Variants in MAGI2 observed in about 807,000 individuals in gnomAD.
MAGI2 encodes the protein membrane associated guanylate kinase, WW and PDZ domain containing 2.
A neutral mutation model predicts 133.3 loss-of-function variants in MAGI2; 35 were observed. That is an observed-to-expected ratio of 0.26 (90% CI 0.20 to 0.35). The LOEUF is 0.35. Ranked by LOEUF, MAGI2 falls within the 10% of genes least tolerant of loss-of-function variation. The probability of loss-of-function intolerance (pLI) is 1.00; values close to 1 mark genes in which losing one functional copy is unlikely to be tolerated. For missense variants in MAGI2, 1,636 were observed against 1,863.4 expected (o/e 0.88, Z 2.25); for synonymous variants, 729 against 710.6 (o/e 1.03, Z -0.41).
chr7:78,902,897 A>C (rs545566988), intron 2 of MAGI2, among the ~76,000 whole-genome samples: 1 of 152,136 alleles, frequency 6.6e-6, no homozygotes, highest in Non-Finnish European at 1.5e-5. Flanking sequence ...TGACACATTC[A>C]AACATTTTAG....
At chr7:78,744,378 T>C (rs1363424054) in intron 2 of MAGI2, among the ~76,000 whole-genome samples, 1 of 152,214 alleles carries the variant, frequency 6.6e-6, no homozygotes, top group East Asian at 1.9e-4. Flanking sequence ...TAATTTCTGT[T>C]TTTACTGGCA....
At chr7:78,665,527 G>T (rs112125373) in intron 2 of MAGI2, among the ~76,000 whole-genome samples, 2,332 of 152,180 alleles carry the variant, frequency 0.015, 67 homozygotes, top group African/African-American at 0.053. Flanking sequence ...GTGGTCCAAG[G>T]CTTTAATTTC....
At chr7:78,236,947 C>A (rs970126756) in intron 10 of MAGI2, among the ~76,000 whole-genome samples, 3 of 152,046 alleles carry the variant, frequency 2.0e-5, no homozygotes, top group Non-Finnish European at 4.4e-5. Flanking sequence ...AAGCAGAAAC[C>A]CCTTATAAAA....
chr7:78,729,856 TTA>T (rs1335657858), intron 2 of MAGI2, among the ~76,000 whole-genome samples: 4 of 152,188 alleles, frequency 2.6e-5, no homozygotes, highest in African/African-American at 9.6e-5. Flanking sequence ...TCACAATTAC[TTA>T]TCAGGGAAAA....
intron 10 of MAGI2, among the ~76,000 whole-genome samples, chr7:78,243,480 G>A (rs191359360): frequency 1.0e-3 from 154 of 152,152 alleles, no homozygotes; most frequent in South Asian, 2.7e-3. Context: ...TTTAAAAATC[G>A]TGGTACAGTA....
chr7:79,368,685 A>G (rs1842874285), intron 1 of MAGI2, among the ~76,000 whole-genome samples: 1 of 151,282 alleles, frequency 6.6e-6, no homozygotes, highest in South Asian at 2.1e-4. Flanking sequence ...CGTCTCTACT[A>G]AAAATACAAA....
At chr7:78,689,250 C>A (rs560190203) in intron 2 of MAGI2, among the ~76,000 whole-genome samples, 1 of 152,076 alleles carries the variant, frequency 6.6e-6, no homozygotes, top group Non-Finnish European at 1.5e-5. Flanking sequence ...CACTCTAGTT[C>A]ATAGATTATA....
intron 2 of MAGI2, among the ~76,000 whole-genome samples, chr7:78,990,582 G>A (rs1805662425): frequency 6.6e-6 from 1 of 151,936 alleles, no homozygotes; most frequent in South Asian, 2.1e-4. Flanking sequence ...TTCCCTGGAG[G>A]TTTTTCTGCC....
At chr7:78,846,114 G>A (rs994566228) in intron 2 of MAGI2, among the ~76,000 whole-genome samples, 3 of 151,680 alleles carry the variant, frequency 2.0e-5, no homozygotes, top group Non-Finnish European at 4.4e-5. Flanking sequence ...TTTTGACAAG[G>A]TACCATGATG....
chr7:78,410,904 T>C (rs1797812969), intron 6 of MAGI2, among the ~76,000 whole-genome samples: 1 of 152,010 alleles, frequency 6.6e-6, no homozygotes, highest in Admixed American at 6.6e-5. Context: ...AATTTATAAA[T>C]ATAAGCATAA....
At chr7:78,070,224 C>T (rs74865881) in intron 21 of MAGI2, among the ~76,000 whole-genome samples, 115 of 40,116 alleles carry the variant, frequency 2.9e-3, no homozygotes, top group South Asian at 5.6e-3. Context: ...TATATACACA[C>T]ACACACACAG....
chr7:78,218,307 C>T (rs998167078), intron 10 of MAGI2, among the ~76,000 whole-genome samples: 1 of 152,188 alleles, frequency 6.6e-6, no homozygotes, highest in African/African-American at 2.4e-5. Flanking sequence ...CCCACTGAAT[C>T]ATCATGGAGC....
At chr7:78,651,123 A>G (rs551786566) in intron 2 of MAGI2, among the ~76,000 whole-genome samples, 4 of 152,260 alleles carry the variant, frequency 2.6e-5, no homozygotes, top group South Asian at 4.1e-4. Context: ...ATCATTACAT[A>G]TCCTGGAAAC....
chr7:78,289,051 T>G (rs1399218369), intron 9 of MAGI2, among the ~76,000 whole-genome samples: 1 of 152,146 alleles, frequency 6.6e-6, no homozygotes, highest in Non-Finnish European at 1.5e-5. Flanking sequence ...CCTCTTTTCC[T>G]CCAAAGGAAC....
At chr7:78,928,212 C>T (rs1416398136) in intron 2 of MAGI2, among the ~76,000 whole-genome samples, 1 of 151,888 alleles carries the variant, frequency 6.6e-6, no homozygotes, top group East Asian at 1.9e-4. Flanking sequence ...GAAATTGTAT[C>T]TGCTGTCTGA....
chr7:78,959,600 T>G (rs11980765), intron 2 of MAGI2, among the ~76,000 whole-genome samples: 2 of 152,162 alleles, frequency 1.3e-5, no homozygotes, highest in Non-Finnish European at 2.9e-5. Flanking sequence ...TGATGGTGAC[T>G]GTCTGATGTA....
At chr7:78,427,223 G>T (rs12532363) in intron 6 of MAGI2, among the ~76,000 whole-genome samples, 27,153 of 151,864 alleles carry the variant, frequency 0.18, 3,313 homozygotes, top group African/African-American at 0.35. Context: ...AACAAAATAA[G>T]AGATCTAATT....
At chr7:78,512,537 C>T (rs183411519) in intron 4 of MAGI2, among the ~76,000 whole-genome samples, 8 of 152,322 alleles carry the variant, frequency 5.3e-5, no homozygotes, top group Admixed American at 2.0e-4. Flanking sequence ...TCCCGAGTAA[C>T]TGGGACTACA....
chr7:78,661,111 T>C (rs1019560330), intron 2 of MAGI2, among the ~76,000 whole-genome samples: 20 of 152,184 alleles, frequency 1.3e-4, no homozygotes, highest in African/African-American at 4.8e-4. Flanking sequence ...TGTGAAGCAA[T>C]ATTTCTGCAT....
Sources: gnomAD v4.1 joint callset for allele counts (sites outside exome capture counted in the v4.1 genomes callset) on GRCh38, gnomAD v4.1.1 for gene constraint, MANE v1.5 for transcripts, NCBI Gene and HGNC (gene_info 2026-07-23, HGNC 2026-07-21) for gene names.